The following TELO2 variants were observed in gnomAD, a reference collection of about 807,000 sequenced individuals.
The protein encoded by TELO2 is telomere maintenance 2.
A neutral mutation model predicts 91.0 loss-of-function variants in TELO2; 71 were observed. The observed-to-expected ratio is 0.78, with a 90% CI of 0.64 to 0.95. TELO2 has a LOEUF of 0.95. TELO2 is among the 40% of genes least tolerant of loss of function. The probability of loss-of-function intolerance (pLI) is 0.00; values close to 1 mark genes in which losing one functional copy is unlikely to be tolerated. For missense variants in TELO2, 1,183 were observed against 1,141.3 expected (o/e 1.04, Z -0.53); for synonymous variants, 584 against 518.9 (o/e 1.13, Z -1.71).
chr16:1,501,532 G>T (rs757993012), intron 10 of TELO2, 33 bp downstream of exon 10: 1 of 1,589,452 alleles, frequency 6.3e-7, no homozygotes, highest in Non-Finnish European at 8.6e-7. Context: ...ACCCCACCGC[G>T]TGCACATCTT....
intron 18 of TELO2, 35 bp downstream of exon 18, chr16:1,507,086 G>T: frequency 6.4e-7 from 1 of 1,570,420 alleles, no homozygotes; most frequent in Non-Finnish European, 8.6e-7. Context: ...GCCGGCCTGT[G>T]CTAACCATGG....
chr16:1,493,980 G>T lies in TELO2; in HGVS notation c.-36-266G>T, dbSNP rs1405859133. Among the ~76,000 whole-genome samples the T allele has an allele frequency of 6.6e-6, 1 of 152,234 alleles. No homozygotes were observed. Among genetic ancestry groups the T allele is most frequent in the Non-Finnish European group, 1.5e-5 (1 of 68,036 alleles). The stretch of plus-strand genomic sequence containing the variant: ...CCTCCACCTCCCTCTCGCGCCAGTG[G>T]CACTCCCGGTTGAGACAACTGAGAA... On this transcript the variant is annotated intron_variant, in intron 1 of 20. Transcript: ENST00000262319. The surrounding 1 kb of genome is among the most constrained non-coding windows in gnomAD (Gnocchi z 4.3).
chr16:1,503,675 C>T (rs933957976), intron 15 of TELO2, among the ~76,000 whole-genome samples: 12 of 152,154 alleles, frequency 7.9e-5, no homozygotes, highest in Admixed American at 2.0e-4. Context: ...AGCTAGTTCA[C>T]GGAGAGCGGA....
chr16:1,503,588 A>C (rs1319586618), intron 15 of TELO2, among the ~76,000 whole-genome samples: 1 of 152,190 alleles, frequency 6.6e-6, no homozygotes, highest in Non-Finnish European at 1.5e-5. Flanking sequence ...CCACACGATG[A>C]GCCTTGAGAA....
chr16:1,494,257 G>T lies in TELO2; in HGVS notation c.-25G>T. On this transcript the variant is annotated 5_prime_UTR_variant, in exon 2 of 21. Transcript: ENST00000262319. The surrounding 1 kb of genome is among the most constrained non-coding windows in gnomAD (Gnocchi z 5.6). ...TGTCCATGTCACAGGTCGTCTTCCC[G>T]TGACGCCCAGATCTGTCCTGCAGGA... is the stretch of plus-strand genomic sequence containing the variant. 1 of 1,594,794 alleles carries T rather than the reference G, an allele frequency of 6.3e-7. No individual in the cohort carries two copies. Among genetic ancestry groups the T allele is most frequent in the Non-Finnish European group, 8.6e-7 (1 of 1,166,240 alleles).
intron 15 of TELO2, among the ~76,000 whole-genome samples, chr16:1,503,849 G>C (rs1472884778): frequency 6.6e-6 from 1 of 152,116 alleles, no homozygotes; most frequent in Non-Finnish European, 1.5e-5. Context: ...TGGGGAAAAC[G>C]GGCTGGGCGC....
In TELO2 at chr16:1,500,381, G is replaced by T; in HGVS notation, c.1037G>T (p.Ser346Ile). 6.3e-7 allele frequency: 1 copy of T among 1,597,348 alleles called. No homozygotes were observed. Among genetic ancestry groups the T allele is most frequent in the Non-Finnish European group, 8.5e-7 (1 of 1,173,842 alleles). ...LKELLETWGS[S>I]SAIRHTPLPQ... is the part of the protein sequence containing the mutation. ...GAGCTGTTGGAGACGTGGGGCAGCA[G>T]CAGTGCCATCCGCCACACTCCCCTG... Residue 346 changes from serine to isoleucine, a missense_variant, in exon 8 of 21, where the codon AGC becomes ATC. Ser to Ile is a moderately radical substitution (Grantham distance 142). Transcript: ENST00000262319.
chr16:1,504,626 T>C (rs554870210), intron 15 of TELO2, among the ~76,000 whole-genome samples: 13 of 143,000 alleles, frequency 9.1e-5, no homozygotes, highest in South Asian at 4.9e-4. Context: ...GGCGCGATCT[T>C]GACTCACTGC....
intron 18 of TELO2, 38 bp from the exon 19 acceptor site, chr16:1,507,268 G>A (rs563746535): frequency 1.5e-5 from 24 of 1,600,028 alleles, no homozygotes; most frequent in Middle Eastern, 2.2e-4. Flanking sequence ...TGGGGACGGC[G>A]TCGGGACCCC....
rs764938676 is a variant in TELO2 at position 1,502,773 on chromosome 16, C to T, written c.1770+12C>T. The T allele has an allele frequency of 4.0e-5, 65 of 1,610,178 alleles. No individual in the cohort carries two copies. Among genetic ancestry groups the T allele is most frequent in the Non-Finnish European group, 5.3e-5 (63 of 1,179,480 alleles). ...CAGACCCGGCCCCGGTGAGTTCCCG[C>T]ACCCGTGGCCCTGGCCAGTGCAGGC... On this transcript the variant is annotated intron_variant, in intron 14 of 20. Transcript: ENST00000262319.
rs1244263776 is a variant in TELO2, at chr16:1,500,781, G to A, written c.1281+82G>A. ...CTGCCTCTCCAGCCCCAGGGTCACCGCCTCTTCCCGGGGTCCAGACTTGCG... is the reference window on the plus strand; with the variant it reads ...CTGCCTCTCCAGCCCCAGGGTCACCACCTCTTCCCGGGGTCCAGACTTGCG... On this transcript the variant is annotated intron_variant, in intron 9 of 20. Transcript: ENST00000262319. 3.2e-6 allele frequency: 5 copies of A among 1,547,300 alleles called. No homozygotes were observed. The South Asian group carries it at 3.6e-5, about 11-fold the overall frequency.
At chr16:1,502,252 G>C (rs758174741) in intron 12 of TELO2, 61 bp from the exon 13 acceptor site, 12 of 1,566,368 alleles carry the variant, frequency 7.7e-6, no homozygotes, top group Non-Finnish European at 1.0e-5. Flanking sequence ...CCGTGCTGCT[G>C]GCTCTCATGG....
intron 17 of TELO2, chr16:1,506,607 T>C (rs1246816029): frequency 7.2e-7 from 1 of 1,393,244 alleles, no homozygotes; most frequent in Non-Finnish European, 9.3e-7. Flanking sequence ...CATCACCTGC[T>C]GGGCCCTGCT....
At position 1,507,351 on chromosome 16, in the gene TELO2, C is replaced by T. The variant is rs774375909; in HGVS notation, c.2272C>T (p.Leu758Phe). 5 of 1,611,060 alleles carry T rather than the reference C, an allele frequency of 3.1e-6. No individual in the cohort carries two copies. Among genetic ancestry groups the T allele is most frequent in the South Asian group, 1.1e-5 (1 of 91,052 alleles). ...GGCCCTGCTGGAATTCGTGTGGGCC[C>T]TTCGCTTCCACATCGATGCGTGAGT... ...GKALLEFVWA[L>F]RFHIDAYVRQ... is the part of the protein sequence containing the mutation. Residue 758 changes from leucine to phenylalanine, a missense_variant, in exon 19 of 21, where the codon CTT becomes TTT. By Grantham distance (22) the Leu-to-Phe change is conservative. Coordinates refer to ENST00000262319, the MANE Select transcript of TELO2 (RefSeq NM_016111.4).
At chr16:1,503,131 G>C (rs1273120361) in intron 15 of TELO2, 129 bp downstream of exon 15, 2 of 1,024,034 alleles carry the variant, frequency 2.0e-6, no homozygotes, top group Non-Finnish European at 3.0e-6. Context: ...GCCTTCGTGA[G>C]TGTGTGACCC....
At chr16:1,501,027 C>T (rs899494428) in intron 9 of TELO2, among the ~76,000 whole-genome samples, 6 of 152,208 alleles carry the variant, frequency 3.9e-5, no homozygotes, top group Non-Finnish European at 7.4e-5. Flanking sequence ...GCAGCCAGGT[C>T]GCTCTGGGTC....
chr16:1,499,166 C>G (rs1239165370), intron 5 of TELO2, 65 bp from the exon 6 acceptor site: 1 of 1,557,954 alleles, frequency 6.4e-7, no homozygotes, highest in Admixed American at 1.7e-5. Context: ...CATCGGAGTT[C>G]ACGCTCTCGC....
rs2141038761 is a variant in TELO2, at chr16:1,500,688, C to G, written c.1270C>G (p.Leu424Val). The G allele has an allele frequency of 6.2e-7, 1 of 1,612,434 alleles. No homozygotes were observed. The highest frequency in any genetic ancestry group is 2.2e-5 in the East Asian group (1 of 44,874). ...SARIHPEGPP[L>V]KFQYEEDELS... ...CCGGATCCACCCCGAGGGGCCTCCC[C>G]TGAAATTCCAGGTGAGCGGGCCGTC... is the stretch of plus-strand genomic sequence containing the variant. Residue 424 changes from leucine (L) to valine (V), a missense_variant, in exon 9 of 21, where the codon CTG (leucine) becomes GTG (valine). Leu to Val is a conservative substitution (Grantham distance 32). Coordinates refer to ENST00000262319, the MANE Select transcript of TELO2 (RefSeq NM_016111.4).
At chr16:1,504,549 G>GTTTTTTTT (rs1567303563) in intron 15 of TELO2, among the ~76,000 whole-genome samples, 1 of 140,236 alleles carries the variant, frequency 7.1e-6, no homozygotes, top group African/African-American at 2.7e-5. Context: ...ACCGTAACTG[G>GTTTTTTTT]TCTTTTTTTT....
Sources: allele counts gnomAD v4.1 joint callset (sites outside exome capture counted in the v4.1 genomes callset), GRCh38; gene constraint gnomAD v4.1.1; non-coding constraint Gnocchi (gnomAD v3.1); transcripts MANE v1.5; gene names NCBI Gene and HGNC (gene_info 2026-07-23, HGNC 2026-07-21).